The following GRB14 variants were observed in gnomAD, a reference collection of about 807,000 sequenced individuals.
GRB14 encodes growth factor receptor bound protein 14, also known as growth factor receptor-bound protein 14.
In GRB14, 38 loss-of-function variants were observed where a neutral mutation model predicts 69.1. The observed-to-expected ratio is 0.55, with a 90% CI of 0.42 to 0.72. The LOEUF (loss-of-function observed/expected upper bound fraction) is 0.72, where lower values mean the gene tolerates loss of function less well. Among genes scored for constraint, GRB14 ranks in the 30% least tolerant of loss-of-function variants. The probability of loss-of-function intolerance (pLI) is 0.00; values close to 1 mark genes in which losing one functional copy is unlikely to be tolerated. For missense variants in GRB14, 666 were observed against 666.1 expected, an observed-to-expected ratio of 1.00 and a Z score of 0.00; for synonymous variants, 247 against 241.3, an observed-to-expected ratio of 1.02 and a Z score of -0.22.
chr2:164,552,825 A>G (rs1688578987), intron 2 of GRB14, among the ~76,000 whole-genome samples: 1 of 152,168 alleles, frequency 6.6e-6, no homozygotes, highest in Non-Finnish European at 1.5e-5. Flanking sequence ...TGGAATTCTG[A>G]GGCATGCTGC....
intron 6 of GRB14, among the ~76,000 whole-genome samples, chr2:164,520,989 A>G (rs1426728766): frequency 1.3e-5 from 2 of 152,216 alleles, no homozygotes; most frequent in Non-Finnish European, 2.9e-5. Flanking sequence ...CTACATTTTG[A>G]TCCAGCAATC....
chr2:164,514,869 G>A (rs368713390), intron 6 of GRB14, among the ~76,000 whole-genome samples: 2 of 152,110 alleles, frequency 1.3e-5, no homozygotes, highest in East Asian at 1.9e-4. Flanking sequence ...TGCTGTTGGC[G>A]GGGCATGGAG....
intron 3 of GRB14, among the ~76,000 whole-genome samples, chr2:164,537,940 G>T (rs925231355): frequency 1.1e-4 from 17 of 151,830 alleles, no homozygotes; most frequent in Admixed American, 1.1e-3. Context: ...GTTATAAACT[G>T]CACAGGAAGT....
chr2:164,507,662 G>A (rs1251583862), intron 8 of GRB14, among the ~76,000 whole-genome samples: 5 of 152,074 alleles, frequency 3.3e-5, no homozygotes, highest in African/African-American at 1.2e-4. Flanking sequence ...AATGTGGACG[G>A]GCACTTTCCC....
At chr2:164,513,711 A>T (rs1687401074) in intron 6 of GRB14, among the ~76,000 whole-genome samples, 1 of 152,242 alleles carries the variant, frequency 6.6e-6, no homozygotes, top group East Asian at 1.9e-4. Context: ...ACACCTAGTA[A>T]TATAGCAGGG....
chr2:164,492,928 G>A lies in GRB14; in HGVS notation c.*108C>T, dbSNP rs2105251090. On this transcript the variant is annotated 3_prime_UTR_variant, in exon 14 of 14. Coordinates refer to ENST00000263915, the MANE Select transcript of GRB14 (RefSeq NM_004490.3). The stretch of plus-strand genomic sequence containing the variant: ...AACTATTTTTTTGTAACTTGCAGGT[G>A]AAATACATTCTTTTCACATGGTAAT... 9.8e-7 allele frequency: 1 copy of A among 1,020,956 alleles called. No homozygotes were observed. The highest frequency in any genetic ancestry group is 2.7e-5 in the Admixed American group (1 of 36,534). 63.2% of individuals were successfully genotyped at this position (1,020,956 alleles called of 1,614,324 possible).
chr2:164,533,526 C>A (rs748172481), intron 3 of GRB14, among the ~76,000 whole-genome samples: 1 of 152,090 alleles, frequency 6.6e-6, no homozygotes, highest in Admixed American at 6.5e-5. Context: ...GGCCCCAATT[C>A]TTTTATTTTG....
intron 4 of GRB14, among the ~76,000 whole-genome samples, chr2:164,525,815 C>A (rs2105287225): frequency 6.6e-6 from 1 of 152,058 alleles, no homozygotes; most frequent in South Asian, 2.1e-4. Flanking sequence ...TGAGGGGGGG[C>A]ACTCCTGCAT....
At chr2:164,579,704 A>G (rs1689348877) in intron 2 of GRB14, among the ~76,000 whole-genome samples, 1 of 152,080 alleles carries the variant, frequency 6.6e-6, no homozygotes, top group Admixed American at 6.6e-5. Context: ...TTTTTCCTCA[A>G]CCATGTTAGA....
chr2:164,597,145 A>T (rs1689803729), intron 2 of GRB14, among the ~76,000 whole-genome samples: 1 of 152,214 alleles, frequency 6.6e-6, no homozygotes, highest in African/African-American at 2.4e-5. Flanking sequence ...GTGAAACACG[A>T]TCAGTAAAAG....
At chr2:164,575,597 G>C (rs1306213869) in intron 2 of GRB14, among the ~76,000 whole-genome samples, 1 of 152,028 alleles carries the variant, frequency 6.6e-6, no homozygotes, top group African/African-American at 2.4e-5. Flanking sequence ...TGCTAACTAA[G>C]ATCAAAAAGA....
intron 2 of GRB14, among the ~76,000 whole-genome samples, chr2:164,580,036 T>C (rs935365818): frequency 6.6e-6 from 1 of 152,132 alleles, no homozygotes; most frequent in Non-Finnish European, 1.5e-5. Context: ...AAAAACTTCT[T>C]AAGAATTCTT....
chr2:164,492,705 T>C lies in GRB14; in HGVS notation c.*331A>G. 5.7e-6 allele frequency: 1 copy of C among 176,956 alleles called. No individual in the cohort carries two copies. Among genetic ancestry groups the C allele is most frequent in the East Asian group, 1.5e-4 (1 of 6,884 alleles). 11.0% of individuals were successfully genotyped at this position (176,956 alleles called of 1,614,324 possible). On this transcript the variant is annotated 3_prime_UTR_variant, in exon 14 of 14. Transcript: ENST00000263915. ...TCCCAATTTATTTCATATTTTGTGT[T>C]TCAGAATTCTGATGTTGCTATATGG...
At chr2:164,520,173 C>G (rs1025709370) in intron 6 of GRB14, among the ~76,000 whole-genome samples, 3 of 151,894 alleles carry the variant, frequency 2.0e-5, no homozygotes, top group Admixed American at 6.6e-5. Flanking sequence ...GGCACATAGA[C>G]GAATGGAACA....
chr2:164,598,554 T>C (rs1475901822), intron 2 of GRB14, among the ~76,000 whole-genome samples: 3 of 152,208 alleles, frequency 2.0e-5, no homozygotes, highest in African/African-American at 7.2e-5. Flanking sequence ...GGGCAGGGTA[T>C]TCCTGGAACC....
chr2:164,534,289 A>T (rs1385498563), intron 3 of GRB14, among the ~76,000 whole-genome samples: 1 of 152,162 alleles, frequency 6.6e-6, no homozygotes, highest in Non-Finnish European at 1.5e-5. Flanking sequence ...TCACCATCCC[A>T]ATTTGCATGA....
chr2:164,538,188 A>G (rs932186605), intron 3 of GRB14, among the ~76,000 whole-genome samples: 2 of 152,158 alleles, frequency 1.3e-5, no homozygotes, highest in Non-Finnish European at 2.9e-5. Flanking sequence ...TGATATTCAC[A>G]ATGGAAATCT....
intron 3 of GRB14, among the ~76,000 whole-genome samples, chr2:164,547,324 T>C (rs1444514374): frequency 6.6e-6 from 1 of 152,156 alleles, no homozygotes; most frequent in African/African-American, 2.4e-5. Context: ...ATAAAATCAA[T>C]TCAGATATTT....
intron 3 of GRB14, among the ~76,000 whole-genome samples, chr2:164,547,181 A>G (rs2105309688): frequency 6.6e-6 from 1 of 152,334 alleles, no homozygotes; most frequent in East Asian, 1.9e-4. Context: ...AACAGCGAAC[A>G]GGGAACCTTG....
Sources: gnomAD v4.1 joint callset for allele counts (sites outside exome capture counted in the v4.1 genomes callset) on GRCh38, gnomAD v4.1.1 for gene constraint, MANE v1.5 for transcripts, NCBI Gene and HGNC (gene_info 2026-07-23, HGNC 2026-07-21) for gene names.